MARCHF8: variants seen among roughly 807,000 people sequenced by gnomAD.
The protein encoded by MARCHF8 is E3 ubiquitin-protein ligase MARCHF8.
A neutral mutation model predicts 51.6 loss-of-function variants in MARCHF8; 40 were observed. The ratio of observed to expected loss-of-function variants is 0.77; its 90% CI spans 0.60 to 1.01. MARCHF8 has a LOEUF of 1.01. Ranked by LOEUF, MARCHF8 falls within the 50% of genes least tolerant of loss-of-function variation. The probability of loss-of-function intolerance (pLI) is 0.00; values close to 1 mark genes in which losing one functional copy is unlikely to be tolerated. For synonymous variants in MARCHF8, 263 were observed against 280.3 expected (o/e 0.94, Z 0.62); for missense variants, 685 against 708.6 (o/e 0.97, Z 0.38).
chr10:45,553,386 A>G (rs897549108), intron 1 of MARCHF8, among the ~76,000 whole-genome samples: 3 of 152,078 alleles, frequency 2.0e-5, no homozygotes, highest in Non-Finnish European at 4.4e-5. Flanking sequence ...ATACTCAAAG[A>G]AAGATTACTA....
At chr10:45,541,314 G>C (rs530095359) in intron 1 of MARCHF8, among the ~76,000 whole-genome samples, 142 of 152,220 alleles carry the variant, frequency 9.3e-4, no homozygotes, top group Non-Finnish European at 1.9e-3. Context: ...GCAAACTATT[G>C]CAAGGACAAA....
At chr10:45,548,551 TTCCCTTGG>T (rs1313635374) in intron 1 of MARCHF8, among the ~76,000 whole-genome samples, 4 of 152,206 alleles carry the variant, frequency 2.6e-5, no homozygotes, top group South Asian at 2.1e-4. Context: ...AGCCACAGTA[TTCCCTTGG>T]TAATAGAATG....
At chr10:45,558,501 G>A (rs916861623) in intron 1 of MARCHF8, among the ~76,000 whole-genome samples, 5 of 152,250 alleles carry the variant, frequency 3.3e-5, no homozygotes, top group African/African-American at 9.6e-5. Flanking sequence ...ACACTTCAAG[G>A]AATCAGCAGC....
chr10:45,505,268 C>A (rs1254132877), intron 2 of MARCHF8, among the ~76,000 whole-genome samples: 1 of 152,150 alleles, frequency 6.6e-6, no homozygotes, highest in Non-Finnish European at 1.5e-5. Context: ...CATTGACTTT[C>A]AGTAGGATTG....
chr10:45,563,049 C>CA (rs963984671), intron 1 of MARCHF8, among the ~76,000 whole-genome samples: 2 of 151,594 alleles, frequency 1.3e-5, no homozygotes, highest in Non-Finnish European at 2.9e-5. Flanking sequence ...CCTTCCAAGA[C>CA]AGAGTCTCAC....
At chr10:45,574,968 CAAAA>C (rs34058982) in intron 1 of MARCHF8, among the ~76,000 whole-genome samples, 10 of 136,476 alleles carry the variant, frequency 7.3e-5, no homozygotes, top group African/African-American at 1.0e-4. Flanking sequence ...GTTATATAGG[CAAAA>C]AAAAAAAAAA....
At chr10:45,505,868 A>T (rs914404727) in intron 2 of MARCHF8, among the ~76,000 whole-genome samples, 2 of 152,106 alleles carry the variant, frequency 1.3e-5, no homozygotes, top group African/African-American at 4.8e-5. Context: ...GAAGAGAGCA[A>T]CTCTTTGACA....
intron 3 of MARCHF8, among the ~76,000 whole-genome samples, chr10:45,474,384 C>T (rs773587964): frequency 7.9e-5 from 12 of 152,068 alleles, no homozygotes; most frequent in Non-Finnish European, 1.5e-4. Flanking sequence ...CCTGGTACCC[C>T]GAGACAATGG....
rs1005685956 is a variant in MARCHF8 at position 45,463,783 on chromosome 10, T to C, written c.456A>G (p.Leu152=). ...PAKNTKARRT[L]KFSRSLNDVG... ...CATCATTGAGGGACCTTGAGAACTT[T>C]AGTGTTCTTCTGGCTTTGGTATTCT... Residue 152 remains leucine, a synonymous_variant, in exon 5 of 8, where the codon CTA becomes CTG. Transcript: ENST00000453424. The C allele has an allele frequency of 3.9e-6, 6 of 1,550,978 alleles. No individual in the cohort carries two copies. In the Admixed American group the frequency reaches 5.9e-5, roughly 15 times the overall value.
intron 2 of MARCHF8, among the ~76,000 whole-genome samples, chr10:45,521,130 GTT>G (rs1391310344): frequency 1.1e-3 from 167 of 152,260 alleles, no homozygotes; most frequent in Non-Finnish European, 7.5e-4. Context: ...TTCCCCAAAA[GTT>G]CTTCATTGAA....
chr10:45,549,845 G>A (rs562374984), intron 1 of MARCHF8, among the ~76,000 whole-genome samples: 1 of 152,300 alleles, frequency 6.6e-6, no homozygotes, highest in East Asian at 1.9e-4. Context: ...TCCACCATGG[G>A]ATGATGCAGC....
chr10:45,488,978 C>T (rs1469742792), intron 3 of MARCHF8, among the ~76,000 whole-genome samples: 1 of 152,220 alleles, frequency 6.6e-6, no homozygotes, highest in Non-Finnish European at 1.5e-5. Flanking sequence ...CCTGGATCAC[C>T]TGCTTCCAGA....
intron 1 of MARCHF8, among the ~76,000 whole-genome samples, chr10:45,560,250 T>C (rs556380542): frequency 1.4e-3 from 210 of 152,260 alleles, no homozygotes; most frequent in African/African-American, 4.9e-3. Flanking sequence ...GTAGGAACAA[T>C]TGCAGAACGA....
At chr10:45,584,126 C>CATATATATATATATATATATATATAT (rs55978063) in intron 1 of MARCHF8, among the ~76,000 whole-genome samples, 1 of 85,366 alleles carries the variant, frequency 1.2e-5, no homozygotes, top group African/African-American at 4.5e-5. Context: ...TATATACAAT[C>CATATATATATATATATATATATATAT]ATATATATAT....
intron 3 of MARCHF8, among the ~76,000 whole-genome samples, chr10:45,466,104 G>A (rs908149943): frequency 6.6e-6 from 1 of 151,934 alleles, no homozygotes; most frequent in East Asian, 1.9e-4. Flanking sequence ...TCCTCCTCTC[G>A]GGGCACCCAT....
intron 2 of MARCHF8, among the ~76,000 whole-genome samples, chr10:45,506,687 GAGACCACCAAAC>G (rs1190325462): frequency 1.3e-5 from 2 of 152,194 alleles, no homozygotes; most frequent in African/African-American, 4.8e-5. Flanking sequence ...TCCATGTGAA[GAGACCACCAAAC>G]AGGCTTTGTG....
At chr10:45,504,524 T>C (rs2043344658) in intron 2 of MARCHF8, among the ~76,000 whole-genome samples, 1 of 152,258 alleles carries the variant, frequency 6.6e-6, no homozygotes, top group Non-Finnish European at 1.5e-5. Flanking sequence ...CCAGTGTTTT[T>C]TCTGTATAAG....
intron 2 of MARCHF8, among the ~76,000 whole-genome samples, chr10:45,532,902 T>G (rs2043910499): frequency 6.6e-6 from 1 of 152,200 alleles, no homozygotes; most frequent in African/African-American, 2.4e-5. Context: ...ATAAGTCATT[T>G]ATAACCATTT....
chr10:45,528,949 C>T (rs892146416), intron 2 of MARCHF8, among the ~76,000 whole-genome samples: 6 of 152,076 alleles, frequency 3.9e-5, no homozygotes, highest in Non-Finnish European at 7.4e-5. Flanking sequence ...CATTGTTTTT[C>T]ACAATATTAG....
Sources: gnomAD v4.1 joint callset for allele counts (sites outside exome capture counted in the v4.1 genomes callset) on GRCh38, gnomAD v4.1.1 for gene constraint, MANE v1.5 for transcripts, NCBI Gene and HGNC (gene_info 2026-07-23, HGNC 2026-07-21) for gene names.